CHD6: variants seen among roughly 807,000 people sequenced by gnomAD.
CHD6 encodes the protein ATP-dependent chromatin remodeler CHD6.
CHD6 carries 50 observed loss-of-function variants against 276.9 expected under a neutral mutation model. The observed-to-expected ratio is 0.18, with a 90% confidence interval of 0.14 to 0.23. The LOEUF (loss-of-function observed/expected upper bound fraction) is 0.23. Ranked by LOEUF, CHD6 falls within the 10% of genes least tolerant of loss-of-function variation. The pLI is 1.00. For missense variants in CHD6, 2,564 were observed against 3,365.8 expected (o/e 0.76, Z 5.89); for synonymous variants, 1,173 against 1,229.3 (o/e 0.95, Z 0.96).
chr20:41,551,107 C>T (rs1245910150), intron 2 of CHD6, among the ~76,000 whole-genome samples, 198 bp downstream of exon 2: 1 of 152,104 alleles, frequency 6.6e-6, no homozygotes, highest in African/African-American at 2.4e-5. Flanking sequence ...ACATTTACTC[C>T]TACGTGAAGA....
At chr20:41,540,023 C>T (rs2044911487) in intron 2 of CHD6, among the ~76,000 whole-genome samples, 1 of 152,162 alleles carries the variant, frequency 6.6e-6, no homozygotes, top group African/African-American at 2.4e-5. Context: ...GGGCACAGAC[C>T]AAATGTTAAC....
chr20:41,526,362 C>G lies in CHD6; in HGVS notation c.554+6688G>C, dbSNP rs566996969. ...AAACAAGTCTCCCAACAGAAAGAAC[C>G]CCACTAATGTAATCTCTTGAACCTG... is the stretch of plus-strand genomic sequence containing the variant. On this transcript the variant is annotated intron_variant, in intron 3 of 36. Transcript: ENST00000373233. Among the ~76,000 whole-genome samples the G allele has an allele frequency of 2.0e-5, 3 of 152,212 alleles. No individual in the cohort carries two copies. The East Asian group carries it at 5.8e-4, about 29-fold the overall frequency.
intron 16 of CHD6, among the ~76,000 whole-genome samples, chr20:41,479,490 C>A (rs2043246296): frequency 6.6e-6 from 1 of 151,734 alleles, no homozygotes; most frequent in Admixed American, 6.6e-5. Context: ...ACCACGGGGA[C>A]CAGGGCACAG....
At chr20:41,469,955 G>T (rs749181411) in intron 17 of CHD6, among the ~76,000 whole-genome samples, 1 of 152,206 alleles carries the variant, frequency 6.6e-6, no homozygotes, top group African/African-American at 2.4e-5. Flanking sequence ...GCAAGAGGAG[G>T]ACAGGAGGAT....
rs769015321 is a variant in CHD6, at chr20:41,445,726, G to C, written c.3816C>G (p.Ile1272Met). The stretch of plus-strand genomic sequence containing the variant: ...CTTCAGCATCCCACCAGTCCACTGG[G>C]ATCTCCATGTAGTCGATGTCAGGCA... ...VPLPDIDYME[I>M]PVDWWDAEAD... The change falls in exon 25 of 37, where the codon ATC becomes ATG. Residue 1272 changes from isoleucine to methionine, a missense_variant. By Grantham distance (10) the Ile-to-Met change is conservative (BLOSUM62 1). Coordinates refer to ENST00000373233, the MANE Select transcript of CHD6 (RefSeq NM_032221.5). 6.2e-7 allele frequency: 1 copy of C among 1,613,828 alleles called. No homozygotes were observed. The highest frequency in any genetic ancestry group is 1.1e-5 in the South Asian group (1 of 91,054).
chr20:41,433,057 G>C (rs1387023018), intron 27 of CHD6, among the ~76,000 whole-genome samples: 1 of 149,204 alleles, frequency 6.7e-6, no homozygotes, highest in Non-Finnish European at 1.5e-5. Context: ...CAGAAAAATG[G>C]AAAGTACCCA....
At chr20:41,415,943 AC>A (rs1465704377) in intron 33 of CHD6, among the ~76,000 whole-genome samples, 1 of 152,162 alleles carries the variant, frequency 6.6e-6, no homozygotes, top group African/African-American at 2.4e-5. Context: ...GCTCAACCTC[AC>A]CTGTGCATCA....
At chr20:41,609,989 T>C (rs919334133) in intron 1 of CHD6, among the ~76,000 whole-genome samples, 6 of 151,690 alleles carry the variant, frequency 4.0e-5, no homozygotes, top group Non-Finnish European at 8.8e-5. Flanking sequence ...CCCAAGTAGC[T>C]GGGATTACAG....
chr20:41,479,085 T>C (rs1020503639), intron 16 of CHD6, among the ~76,000 whole-genome samples: 5 of 152,018 alleles, frequency 3.3e-5, no homozygotes, highest in African/African-American at 1.2e-4. Context: ...TAGAGTGTGC[T>C]TAATAAGCAT....
chr20:41,539,298 G>A (rs1479178328), intron 2 of CHD6, among the ~76,000 whole-genome samples: 1 of 152,132 alleles, frequency 6.6e-6, no homozygotes, highest in Non-Finnish European at 1.5e-5. Context: ...GTTTTGTTAT[G>A]CTGTCTTCTC....
At chr20:41,496,990 A>G (rs1017829742) in intron 8 of CHD6, 2 of 175,894 alleles carry the variant, frequency 1.1e-5, no homozygotes, top group Admixed American at 1.1e-4. Context: ...AAAATTATTT[A>G]TTTGTTTACT....
At chr20:41,416,502 T>C (rs2047000735) in intron 33 of CHD6, 86 bp downstream of exon 33, 1 of 1,297,588 alleles carries the variant, frequency 7.7e-7, no homozygotes, top group East Asian at 2.4e-5. Context: ...ACTCAGTAAA[T>C]ACTTGCTGAA....
intron 23 of CHD6, among the ~76,000 whole-genome samples, chr20:41,448,408 G>C (rs148679992): frequency 1.3e-5 from 2 of 152,240 alleles, no homozygotes; most frequent in Non-Finnish European, 2.9e-5. Context: ...TCTATTTTTC[G>C]TGGCAATATG....
At chr20:41,494,005 AG>A in intron 8 of CHD6, 61 bp from the exon 9 acceptor site, 18 of 1,212,244 alleles carry the variant, frequency 1.5e-5, no homozygotes, top group Non-Finnish European at 2.1e-5. Context: ...TCCAACACCT[AG>A]GGTGTTATCT....
chr20:41,443,531 T>C (rs1483454447), intron 25 of CHD6, among the ~76,000 whole-genome samples: 1 of 152,236 alleles, frequency 6.6e-6, no homozygotes, highest in Non-Finnish European at 1.5e-5. Context: ...AATTATGCTT[T>C]TTGCCTCACA....
chr20:41,510,695 G>C (rs1430854377), intron 5 of CHD6, among the ~76,000 whole-genome samples: 1 of 152,158 alleles, frequency 6.6e-6, no homozygotes, highest in Non-Finnish European at 1.5e-5. Flanking sequence ...AGGTGCCAGG[G>C]GAGAAGTCAT....
In CHD6 at chr20:41,554,857, G is replaced by A. The variant is rs576278858; in HGVS notation, c.-23-3497C>T. On this transcript the variant is annotated intron_variant, in intron 1 of 36. Transcript: ENST00000373233. ...TCCCCTCTTTCTATTCCACAAAACC[G>A]CCATTGTCATCATGGCCTGTTCTCA... Among the ~76,000 whole-genome samples the A allele has an allele frequency of 5.9e-5, 9 of 152,190 alleles. No individual in the cohort carries two copies. The East Asian group carries it at 1.7e-3, about 29-fold the overall frequency.
intron 33 of CHD6, among the ~76,000 whole-genome samples, chr20:41,416,087 A>C (rs1357562060): frequency 6.6e-6 from 1 of 152,112 alleles, no homozygotes; most frequent in Non-Finnish European, 1.5e-5. Flanking sequence ...GCTAGTTAAT[A>C]ATGTATCTCA....
intron 1 of CHD6, among the ~76,000 whole-genome samples, chr20:41,567,527 C>T (rs1478268004): frequency 6.6e-6 from 1 of 151,900 alleles, no homozygotes; most frequent in Admixed American, 6.6e-5. Context: ...GCTTCCCTTG[C>T]TGTTGTCATG....
Sources: gnomAD v4.1 joint callset for allele counts (sites outside exome capture counted in the v4.1 genomes callset) on GRCh38, gnomAD v4.1.1 for gene constraint, MANE v1.5 for transcripts, NCBI Gene and HGNC (gene_info 2026-07-23, HGNC 2026-07-21) for gene names.